Variants in GLI1 observed in about 807,000 individuals in gnomAD.
The protein encoded by GLI1 is GLI family zinc finger 1, also known as transcription activator GLI1.
Under a neutral mutation model 87.8 loss-of-function variants are expected in GLI1, and 51 were observed. That is an observed-to-expected ratio of 0.58 (90% confidence interval 0.46 to 0.73). GLI1 has a LOEUF of 0.73. Ranked by LOEUF, GLI1 falls within the 30% of genes least tolerant of loss-of-function variation. The pLI is 0.00. For synonymous variants in GLI1, 528 were observed against 558.2 expected (o/e 0.95, Z 0.76); for missense variants, 1,292 against 1,437.2 (o/e 0.90, Z 1.63).
chr12:57,465,549 T>C, intron 5 of GLI1, 58 bp from the exon 6 acceptor site: 2 of 1,428,834 alleles, frequency 1.4e-6, no homozygotes, highest in African/African-American at 2.8e-5. Flanking sequence ...CTGGCTTGGT[T>C]TCCTCTTCCT....
chr12:57,463,833 G>T, intron 2 of GLI1, 42 bp downstream of exon 2: 2 of 1,290,550 alleles, frequency 1.5e-6, no homozygotes, highest in Non-Finnish European at 2.2e-6. Flanking sequence ...GGATTTGGCA[G>T]ATCTCCCACT....
At chr12:57,466,475 T>G in intron 8 of GLI1, 86 bp downstream of exon 8, 2 of 939,328 alleles carry the variant, frequency 2.1e-6, no homozygotes, top group Non-Finnish European at 3.2e-6. Flanking sequence ...CTTTTGCTTT[T>G]ATAAGTCCTT....
In GLI1 at chr12:57,465,274, C is replaced by A; in HGVS notation, c.534+19C>A. 2 of 1,587,132 alleles carry A rather than the reference C, an allele frequency of 1.3e-6. No individual in the cohort carries two copies. The highest frequency in any genetic ancestry group is 1.1e-5 in the South Asian group (1 of 88,516). The stretch of plus-strand genomic sequence containing the variant: ...TTGCCAGGTGAGAGTCCCCATATTG[C>A]TACCTGATTTCCCTCAGCTCAGGGT... On this transcript the variant is annotated intron_variant, in intron 5 of 11. Coordinates refer to ENST00000228682, the MANE Select transcript of GLI1 (RefSeq NM_005269.3).
At chr12:57,464,173 C>A in intron 3 of GLI1, 82 bp downstream of exon 3, 1 of 934,900 alleles carries the variant, frequency 1.1e-6, no homozygotes, top group Non-Finnish European at 1.8e-6. Flanking sequence ...CAGGGGATCT[C>A]ACTTGGAGGA....
rs200793383 is a variant in GLI1, at chr12:57,465,804, T to C, written c.641T>C (p.Met214Thr). The C allele has an allele frequency of 3.8e-5, 61 of 1,614,196 alleles. No homozygotes were observed. In the Admixed American group the frequency reaches 9.7e-4, roughly 26 times the overall value. ...STGIQDPLLG[M>T]LDGREDLERE... The stretch of plus-strand genomic sequence containing the variant: ...TTGCCCTAGGATCCCCTGTTGGGGA[T>C]GCTGGATGGGCGGGAGGACCTCGAG... Residue 214 changes from methionine to threonine, a missense_variant, in exon 7 of 12, where the codon ATG becomes ACG. Physicochemically the swap from Met to Thr is moderately conservative, Grantham distance 81 (BLOSUM62 -1). Transcript: ENST00000228682.
chr12:57,471,017 C>A lies in GLI1; in HGVS notation c.2277C>A (p.Thr759=), dbSNP rs373763385. The A allele has an allele frequency of 6.6e-5, 107 of 1,610,050 alleles. No individual in the cohort carries two copies. Among genetic ancestry groups the A allele is most frequent in the Non-Finnish European group, 8.1e-5 (96 of 1,177,990 alleles). ...GSLPLGPGPP[T]NYGPNPCPQQ... Reference sequence around the variant, plus strand: ...TGCCTCTTGGGCCTGGTCCACCCACCAACTATGGCCCCAACCCCTGTCCCC... The same window carrying A: ...TGCCTCTTGGGCCTGGTCCACCCACAAACTATGGCCCCAACCCCTGTCCCC... The change falls in exon 12 of 12, where the codon ACC becomes ACA. Residue 759 remains threonine, a synonymous_variant. Coordinates refer to ENST00000228682, the MANE Select transcript of GLI1 (RefSeq NM_005269.3). This position sits in a 1 kb window ranked among gnomAD's most constrained non-coding sequence, Gnocchi z 4.9.
At chr12:57,468,808 G>A (rs1871675324) in intron 10 of GLI1, among the ~76,000 whole-genome samples, 1 of 152,074 alleles carries the variant, frequency 6.6e-6, no homozygotes. Context: ...AGGCTGGAGT[G>A]CAGTGGCATG....
Position 57,467,511 on chromosome 12 carries a change from C to A in GLI1, c.1077+14C>A, listed in dbSNP as rs1321791178. On this transcript the variant is annotated intron_variant, in intron 9 of 11. Coordinates refer to ENST00000228682, the MANE Select transcript of GLI1 (RefSeq NM_005269.3). Reference sequence around the variant, plus strand: ...CATTCCAATGAGGTGAATGCCCTAACTAAGCGACCCTCCCCTCTTGAGAAG... The same window carrying A: ...CATTCCAATGAGGTGAATGCCCTAAATAAGCGACCCTCCCCTCTTGAGAAG... 6.3e-7 allele frequency: 1 copy of A among 1,580,688 alleles called. No homozygotes were observed. The highest frequency in any genetic ancestry group is 1.7e-5 in the Admixed American group (1 of 58,292).
At chr12:57,462,426 C>T (rs1388812713) in intron 1 of GLI1, among the ~76,000 whole-genome samples, 1 of 152,022 alleles carries the variant, frequency 6.6e-6, no homozygotes, top group South Asian at 2.1e-4. Context: ...CCGGCCGGCC[C>T]GGCCCGCTCC....
Position 57,463,690 on chromosome 12 carries a change from C to A in GLI1, c.-2C>A. 1 of 1,598,570 alleles carries A rather than the reference C, an allele frequency of 6.3e-7. No individual in the cohort carries two copies. The highest frequency in any genetic ancestry group is 8.6e-7 in the Non-Finnish European group (1 of 1,166,938). Reference sequence around the variant, plus strand: ...TGTCCCCACACCCTCCTCTGAGACGCCATGTTCAACTCGATGACCCCACCA... The same window carrying A: ...TGTCCCCACACCCTCCTCTGAGACGACATGTTCAACTCGATGACCCCACCA... On this transcript the variant is annotated 5_prime_UTR_variant, in exon 2 of 12. Transcript: ENST00000228682.
At chr12:57,466,469 T>C (rs763768014) in intron 8 of GLI1, 80 bp downstream of exon 8, 25 of 1,086,534 alleles carry the variant, frequency 2.3e-5, no homozygotes, top group African/African-American at 3.2e-5. Flanking sequence ...GGCAGACTTT[T>C]GCTTTTATAA....
rs764355608 is a variant in GLI1 at position 57,471,572 on chromosome 12, A to T, written c.2832A>T (p.Pro944=). ...SQVSPSRAKA[P]VNTYGPGFGP... Reference sequence around the variant, plus strand: ...TTAGCCCAAGCCGTGCTAAAGCTCCAGTGAACACATATGGACCTGGCTTTG... The same window carrying T: ...TTAGCCCAAGCCGTGCTAAAGCTCCTGTGAACACATATGGACCTGGCTTTG... The change falls in exon 12 of 12, where the codon CCA becomes CCT. Residue 944 remains proline, a synonymous_variant. Coordinates refer to ENST00000228682, the MANE Select transcript of GLI1 (RefSeq NM_005269.3). This position sits in a 1 kb window ranked among gnomAD's most constrained non-coding sequence, Gnocchi z 4.9. 1 of 1,613,928 alleles carries T rather than the reference A, an allele frequency of 6.2e-7. No individual in the cohort carries two copies. The highest frequency in any genetic ancestry group is 2.2e-5 in the East Asian group (1 of 44,886).
In GLI1 at chr12:57,470,350, T is replaced by C. The variant is rs529336310; in HGVS notation, c.1610T>C (p.Val537Ala). ...TTVSRRVGPP[V>A]SLERRSSSSS... is the part of the protein sequence containing the mutation. Reference sequence around the variant, plus strand: ...GTGTCCCGCCGCGTGGGCCCCCCAGTCTCTCTTGAACGCCGCAGCAGCAGC... The same window carrying C: ...GTGTCCCGCCGCGTGGGCCCCCCAGCCTCTCTTGAACGCCGCAGCAGCAGC... Residue 537 changes from valine (V) to alanine (A), a missense_variant, in exon 12 of 12, where the codon GTC becomes GCC. Val to Ala is a moderately conservative substitution (Grantham distance 64, BLOSUM62 0). Coordinates refer to ENST00000228682, the MANE Select transcript of GLI1 (RefSeq NM_005269.3). The C allele has an allele frequency of 8.2e-6, 13 of 1,589,748 alleles. No homozygotes were observed. The East Asian group carries it at 2.5e-4, about 30-fold the overall frequency.
Position 57,470,560 on chromosome 12 carries a change from C to A in GLI1, c.1820C>A (p.Ser607Tyr). The A allele has an allele frequency of 1.2e-6, 2 of 1,614,134 alleles. No individual in the cohort carries two copies. Among genetic ancestry groups the A allele is most frequent in the Non-Finnish European group, 8.5e-7 (1 of 1,180,028 alleles). Residue 607 changes from serine to tyrosine, a missense_variant, in exon 12 of 12, where the codon TCC becomes TAC. Ser to Tyr is a moderately radical substitution (Grantham distance 144). Around this residue, in one of 3 missense-constraint regions of GLI1, gnomAD observed 897 missense variants for 1,040.7 expected, o/e 0.86. Transcript: ENST00000228682. ...RGGGTSPTAASSLDRIGGLPM... is the reference protein window; with the variant it reads ...RGGGTSPTAAYSLDRIGGLPM... ...GGTGGTACTTCGCCCACTGCAGCAT[C>A]CAGCCTGGATCGGATAGGTGGTCTT...
rs774638929 is a variant in GLI1, at chr12:57,471,442, A to G, written c.2702A>G (p.Tyr901Cys). ...GQLKAQLVCN[Y>C]VQSQQELLWE... ...CTCAAGGCTCAGCTTGTGTGTAATT[A>G]TGTTCAATCTCAACAGGAGCTACTG... is the stretch of plus-strand genomic sequence containing the variant. The change falls in exon 12 of 12, where the codon TAT becomes TGT. Residue 901 changes from tyrosine (Y) to cysteine (C), a missense_variant. Physicochemically the swap from Tyr to Cys is radical, Grantham distance 194. Around this residue, in one of 3 missense-constraint regions of GLI1, gnomAD observed 897 missense variants for 1,040.7 expected, o/e 0.86. Coordinates refer to ENST00000228682, the MANE Select transcript of GLI1 (RefSeq NM_005269.3). The surrounding 1 kb of genome is among the most constrained non-coding windows in gnomAD (Gnocchi z 4.9). 5 of 1,613,590 alleles carry G rather than the reference A, an allele frequency of 3.1e-6. No homozygotes were observed. In the East Asian group the frequency reaches 8.9e-5, roughly 29 times the overall value.
At position 57,471,202 on chromosome 12, in the gene GLI1, C is replaced by T; in HGVS notation, c.2462C>T (p.Pro821Leu). The T allele has an allele frequency of 6.2e-7, 1 of 1,600,232 alleles. No individual in the cohort carries two copies. The highest frequency in any genetic ancestry group is 8.5e-7 in the Non-Finnish European group (1 of 1,173,242). Residue 821 changes from proline to leucine, a missense_variant, in exon 12 of 12, where the codon CCA becomes CTA. Transcript: ENST00000228682. This position sits in a 1 kb window ranked among gnomAD's most constrained non-coding sequence, Gnocchi z 4.9. ...CAAGTCAAGCCAGAACAGGGGTGCC[C>T]AGTGGGGTCTGACTCCACAGGACTG... ...QVQVKPEQGC[P>L]VGSDSTGLAP...
chr12:57,467,356 C>T lies in GLI1; in HGVS notation c.936C>T (p.Tyr312=), dbSNP rs145633975. The change falls in exon 9 of 12, where the codon TAC becomes TAT. Residue 312 remains tyrosine (Y), a synonymous_variant. Transcript: ENST00000228682. ...KCTFEGCRKS[Y]SRLENLKTHL... ...AGTTTGAAGGGTGCCGGAAGTCATACTCACGCCTCGAAAACCTGAAGACGC... is the reference window on the plus strand; with the variant it reads ...AGTTTGAAGGGTGCCGGAAGTCATATTCACGCCTCGAAAACCTGAAGACGC... 1.5e-4 allele frequency: 247 copies of T among 1,610,710 alleles called. 6 individuals are homozygous for T. The South Asian group carries it at 2.6e-3, about 17-fold the overall frequency.
At position 57,471,345 on chromosome 12, in the gene GLI1, C is replaced by G. The variant is rs375975477; in HGVS notation, c.2605C>G (p.Pro869Ala). ...YLQSGPYTQPPPDYLPSEPRP... is the reference protein window; with the variant it reads ...YLQSGPYTQPAPDYLPSEPRP... Reference sequence around the variant, plus strand: ...CCAGTCAGGCCCCTATACCCAGCCACCCCCTGATTATCTTCCTTCAGAACC... The same window carrying G: ...CCAGTCAGGCCCCTATACCCAGCCAGCCCCTGATTATCTTCCTTCAGAACC... Residue 869 changes from proline (P) to alanine (A), a missense_variant, in exon 12 of 12, where the codon CCC becomes GCC. By Grantham distance (27) the Pro-to-Ala change is conservative. Transcript: ENST00000228682. The surrounding 1 kb of genome is among the most constrained non-coding windows in gnomAD (Gnocchi z 4.9). 1.7e-5 allele frequency: 27 copies of G among 1,582,838 alleles called. No homozygotes were observed. Among genetic ancestry groups the G allele is most frequent in the Middle Eastern group, 1.7e-4 (1 of 5,940 alleles).
Position 57,466,291 on chromosome 12 carries a change from T to G in GLI1, c.814T>G (p.Trp272Gly). The G allele has an allele frequency of 6.2e-7, 1 of 1,613,626 alleles. No homozygotes were observed. Among genetic ancestry groups the G allele is most frequent in the Non-Finnish European group, 8.5e-7 (1 of 1,179,810 alleles). Residue 272 changes from tryptophan (W) to glycine (G), a missense_variant, in exon 8 of 12, where the codon TGG becomes GGG. By Grantham distance (184) the Trp-to-Gly change is radical. Transcript: ENST00000228682. The stretch of plus-strand genomic sequence containing the variant: ...GGAGCGGAAGGAGTTCGTGTGCCAC[T>G]GGGGGGGCTGCTCCAGGGAGCTGAG... ...HGERKEFVCHWGGCSRELRPF... is the reference protein window; with the variant it reads ...HGERKEFVCHGGGCSRELRPF...
Sources: allele counts gnomAD v4.1 joint callset (sites outside exome capture counted in the v4.1 genomes callset), GRCh38; gene constraint gnomAD v4.1.1; regional missense constraint gnomAD v4.1.1; non-coding constraint Gnocchi (gnomAD v3.1); transcripts MANE v1.5; gene names NCBI Gene and HGNC (gene_info 2026-07-23, HGNC 2026-07-21).